The following PHKB variants were observed in gnomAD, a reference collection of about 807,000 sequenced individuals.
PHKB encodes the protein phosphorylase kinase regulatory subunit beta, also known as phosphorylase b kinase regulatory subunit beta.
Under a neutral mutation model 152.1 loss-of-function variants are expected in PHKB, and 122 were observed. The observed-to-expected ratio is 0.80, with a 90% confidence interval of 0.69 to 0.93. The LOEUF is 0.93. PHKB is among the 40% of genes least tolerant of loss of function. The pLI is 0.00. For missense variants in PHKB, 1,304 were observed against 1,328.4 expected (o/e 0.98, Z 0.29); for synonymous variants, 436 against 464.9 (o/e 0.94, Z 0.80).
chr16:47,660,419 C>A, intron 20 of PHKB, 87 bp from the exon 21 acceptor site: 2 of 1,020,106 alleles, frequency 2.0e-6, no homozygotes, highest in Non-Finnish European at 1.5e-6. Context: ...TGAAGTATTA[C>A]TTAATTACAG....
chr16:47,539,020 G>A (rs755156224), intron 6 of PHKB, among the ~76,000 whole-genome samples: 6 of 152,174 alleles, frequency 3.9e-5, no homozygotes, highest in Non-Finnish European at 5.9e-5. Context: ...AACCTAACAC[G>A]ATGACTAAAT....
chr16:47,670,455 T>C (rs1973618543), intron 26 of PHKB, among the ~76,000 whole-genome samples: 1 of 152,194 alleles, frequency 6.6e-6, no homozygotes, highest in Non-Finnish European at 1.5e-5. Flanking sequence ...CAATTTCTCC[T>C]TGCATTTTTA....
At chr16:47,527,204 C>T (rs970440502) in intron 6 of PHKB, among the ~76,000 whole-genome samples, 7 of 152,096 alleles carry the variant, frequency 4.6e-5, no homozygotes, top group African/African-American at 1.7e-4. Flanking sequence ...CAAACTATAT[C>T]ACATGCAGAT....
At position 47,515,592 on chromosome 16, in the gene PHKB, C is replaced by T. The variant is rs1171712629; in HGVS notation, c.585C>T (p.Asn195=). ...MISSGLQIIY[N]TDEVSFIQNL... is the part of the protein sequence containing the mutation. ...CCTCAGGACTCCAGATTATCTACAA[C>T]ACTGATGAGGTATGCTTTCCCCAAA... The change falls in exon 6 of 31, where the codon AAC becomes AAT. Residue 195 remains asparagine (N), a synonymous_variant. Coordinates refer to ENST00000323584, the MANE Select transcript of PHKB (RefSeq NM_000293.3). 1.5e-6 allele frequency: 2 copies of T among 1,372,384 alleles called. No homozygotes were observed. Among genetic ancestry groups the T allele is most frequent in the Admixed American group, 1.7e-5 (1 of 59,676 alleles). The allele number at this position is 1,372,384 out of a possible 1,614,324, so 85.0% of individuals were successfully genotyped here. A position where few individuals can be genotyped will look rare whatever the true frequency, so the allele number is the denominator to read the frequency against.
chr16:47,501,543 CT>C (rs927095384), intron 3 of PHKB, among the ~76,000 whole-genome samples: 1 of 152,022 alleles, frequency 6.6e-6, no homozygotes, highest in African/African-American at 2.4e-5. Flanking sequence ...GGCAAATCTC[CT>C]TGTTTTCTAG....
intron 7 of PHKB, chr16:47,566,159 A>G (rs1454486862): frequency 9.0e-6 from 6 of 664,802 alleles, no homozygotes; most frequent in African/African-American, 8.9e-5. Flanking sequence ...CGCCGTATCA[A>G]TCCATATCCC....
intron 1 of PHKB, among the ~76,000 whole-genome samples, chr16:47,476,753 G>A (rs1158424362): frequency 6.6e-6 from 1 of 151,982 alleles, no homozygotes; most frequent in Non-Finnish European, 1.5e-5. Context: ...TGATTGTTTT[G>A]ACCCAAACTA....
intron 14 of PHKB, chr16:47,619,106 A>G (rs916796292): frequency 4.6e-5 from 7 of 152,200 alleles, no homozygotes; most frequent in Admixed American, 1.3e-4. Flanking sequence ...TTTTTCTGAG[A>G]CAAATATTAT....
chr16:47,483,632 A>G (rs1437474719), intron 1 of PHKB, among the ~76,000 whole-genome samples: 2 of 152,170 alleles, frequency 1.3e-5, no homozygotes, highest in East Asian at 3.8e-4. Flanking sequence ...TCATCTTTTT[A>G]TATCATTCCC....
At chr16:47,529,098 G>A (rs1267204623) in intron 6 of PHKB, 5 of 152,086 alleles carry the variant, frequency 3.3e-5, no homozygotes, top group Non-Finnish European at 5.9e-5. Context: ...TGCTGTATTT[G>A]GCATGAGACA....
intron 1 of PHKB, among the ~76,000 whole-genome samples, chr16:47,476,240 T>C (rs1013385553): frequency 1.3e-5 from 2 of 151,960 alleles, no homozygotes; most frequent in Admixed American, 6.5e-5. Flanking sequence ...ATGATAAATA[T>C]CTTTAATATA....
intron 6 of PHKB, among the ~76,000 whole-genome samples, chr16:47,546,170 C>A (rs9924052): frequency 6.6e-6 from 1 of 152,148 alleles, no homozygotes; most frequent in Non-Finnish European, 1.5e-5. Flanking sequence ...AGAAGGGTCA[C>A]TCCTGTTTTT....
At chr16:47,538,023 G>A (rs190835650) in intron 6 of PHKB, among the ~76,000 whole-genome samples, 27 of 152,154 alleles carry the variant, frequency 1.8e-4, no homozygotes, top group Admixed American at 8.5e-4. Flanking sequence ...CTCCCGAGCA[G>A]CTGGGACCAC....
chr16:47,629,353 A>C (rs934716759), intron 14 of PHKB, among the ~76,000 whole-genome samples: 2 of 152,070 alleles, frequency 1.3e-5, no homozygotes, highest in African/African-American at 4.8e-5. Flanking sequence ...CCCATCAAAA[A>C]GTGGGCGAAG....
intron 4 of PHKB, among the ~76,000 whole-genome samples, chr16:47,507,554 C>T (rs1179726594): frequency 6.8e-6 from 1 of 147,172 alleles, no homozygotes; most frequent in Non-Finnish European, 1.5e-5. Flanking sequence ...GACAGGGTCT[C>T]ACTATATTGC....
At chr16:47,567,444 G>A (rs188688143) in intron 7 of PHKB, among the ~76,000 whole-genome samples, 100 of 152,248 alleles carry the variant, frequency 6.6e-4, no homozygotes, top group African/African-American at 2.3e-3. Context: ...TTTTAGAGGA[G>A]TCTTTAGAGT....
chr16:47,664,862 T>G, intron 24 of PHKB, 23 bp from the exon 25 acceptor site: 1 of 1,554,226 alleles, frequency 6.4e-7, no homozygotes, highest in Non-Finnish European at 8.9e-7. Flanking sequence ...TTCCCTTTTA[T>G]GGCTTTCCAC....
At chr16:47,660,595 T>C (rs373796789) in intron 21 of PHKB, 28 bp downstream of exon 21, 45 of 1,612,206 alleles carry the variant, frequency 2.8e-5, no homozygotes, top group Admixed American at 5.0e-5. Context: ...ATTTCATTTT[T>C]GGGTTTTTTG....
At chr16:47,678,485 C>A (rs1973779534) in intron 26 of PHKB, among the ~76,000 whole-genome samples, 1 of 152,122 alleles carries the variant, frequency 6.6e-6, no homozygotes, top group South Asian at 2.1e-4. Context: ...GATGGTATCT[C>A]ATTGTGGTTT....
Sources: allele counts gnomAD v4.1 joint callset (sites outside exome capture counted in the v4.1 genomes callset), GRCh38; gene constraint gnomAD v4.1.1; transcripts MANE v1.5; gene names NCBI Gene and HGNC (gene_info 2026-07-23, HGNC 2026-07-21).